The following PLPPR5 variants were observed in gnomAD, a reference collection of about 807,000 sequenced individuals.
PLPPR5 encodes the protein phospholipid phosphatase related 5.
PLPPR5 carries 16 observed loss-of-function variants against 33.9 expected under a neutral mutation model. The observed-to-expected ratio is 0.47, with a 90% CI of 0.32 to 0.72. The LOEUF (loss-of-function observed/expected upper bound fraction) is 0.72, where lower values mean the gene tolerates loss of function less well. Among genes scored for constraint, PLPPR5 ranks in the 30% least tolerant of loss-of-function variants. The probability of loss-of-function intolerance (pLI) is 0.03; values close to 1 mark genes in which losing one functional copy is unlikely to be tolerated. For synonymous variants in PLPPR5, 163 were observed against 150.3 expected, an observed-to-expected ratio of 1.08 and a Z score of -0.62; for missense variants, 301 against 406.7, an observed-to-expected ratio of 0.74 and a Z score of 2.23.
At chr1:98,899,655 C>CTTTTTTTTTTTTTTT (rs1214385487) in intron 5 of PLPPR5, among the ~76,000 whole-genome samples, 1 of 138,568 alleles carries the variant, frequency 7.2e-6, no homozygotes, top group African/African-American at 2.7e-5. Flanking sequence ...GTTTATTTCA[C>CTTTTTTTTTTTTTTT]TTGTTTTTTT....
intron 1 of PLPPR5, among the ~76,000 whole-genome samples, chr1:98,991,815 A>G (rs1402014425): frequency 6.6e-6 from 1 of 152,146 alleles, no homozygotes; most frequent in Non-Finnish European, 1.5e-5. Flanking sequence ...TCCCAGTTGG[A>G]GTTCAAACCT....
At chr1:98,940,457 A>C (rs945427420) in intron 3 of PLPPR5, among the ~76,000 whole-genome samples, 1 of 151,928 alleles carries the variant, frequency 6.6e-6, no homozygotes, top group Non-Finnish European at 1.5e-5. Context: ...GAATCAAGGG[A>C]GGAAAAAATT....
chr1:98,990,580 T>G (rs1294529306), intron 1 of PLPPR5, among the ~76,000 whole-genome samples: 1 of 152,158 alleles, frequency 6.6e-6, no homozygotes, highest in Non-Finnish European at 1.5e-5. Flanking sequence ...TATTCTCCAT[T>G]TGAAGTAAGT....
chr1:98,932,512 T>C (rs1004986867), intron 3 of PLPPR5, among the ~76,000 whole-genome samples: 3 of 152,194 alleles, frequency 2.0e-5, no homozygotes, highest in Admixed American at 2.0e-4. Flanking sequence ...CAAAAATATA[T>C]ACAAAATGTA....
intron 2 of PLPPR5, 135 bp from the exon 3 acceptor site, chr1:98,953,455 C>A: frequency 7.7e-7 from 1 of 1,299,408 alleles, no homozygotes; most frequent in Non-Finnish European, 1.0e-6. Context: ...ATATTCCATG[C>A]ATATACATAG....
At chr1:98,906,461 T>C (rs1648906629) in intron 5 of PLPPR5, among the ~76,000 whole-genome samples, 1 of 152,092 alleles carries the variant, frequency 6.6e-6, no homozygotes, top group Admixed American at 6.6e-5. Flanking sequence ...CAGCCCAGGC[T>C]GAGGCAGCAG....
intron 1 of PLPPR5, among the ~76,000 whole-genome samples, chr1:98,997,463 C>T (rs1341400075): frequency 6.6e-6 from 1 of 152,086 alleles, no homozygotes; most frequent in Non-Finnish European, 1.5e-5. Flanking sequence ...TACATGGTAT[C>T]AGCTATGCTC....
chr1:99,005,339 C>T (rs57019766), upstream of PLPPR5, among the ~76,000 whole-genome samples: 14,191 of 152,154 alleles, frequency 0.093, 825 homozygotes, highest in East Asian at 0.26. Context: ...GAGTTTCAAC[C>T]GGTGCGTTCA....
intron 2 of PLPPR5, 38 bp from the exon 3 acceptor site, chr1:98,953,358 T>C (rs530772776): frequency 2.2e-6 from 2 of 920,526 alleles, no homozygotes; most frequent in South Asian, 3.7e-5. Flanking sequence ...TTCTTGCTTG[T>C]GTGTGTGTGT....
At chr1:98,982,156 C>T (rs1000373260) in intron 1 of PLPPR5, among the ~76,000 whole-genome samples, 3 of 152,072 alleles carry the variant, frequency 2.0e-5, no homozygotes, top group Non-Finnish European at 2.9e-5. Context: ...ACTCTGCCAG[C>T]TATCTGAATG....
At chr1:98,929,424 C>T (rs1042212314) in intron 3 of PLPPR5, among the ~76,000 whole-genome samples, 1 of 152,178 alleles carries the variant, frequency 6.6e-6, no homozygotes, top group Non-Finnish European at 1.5e-5. Flanking sequence ...TAAACATCCA[C>T]TTTCTTTACA....
chr1:98,931,770 T>C (rs553264145), intron 3 of PLPPR5, among the ~76,000 whole-genome samples: 11 of 152,090 alleles, frequency 7.2e-5, no homozygotes, highest in African/African-American at 2.4e-4. Context: ...TCAAAAAGCT[T>C]TGTGTGCCAA....
intron 5 of PLPPR5, among the ~76,000 whole-genome samples, chr1:98,908,878 AC>A (rs1649008872): frequency 6.6e-6 from 1 of 152,048 alleles, no homozygotes; most frequent in Non-Finnish European, 1.5e-5. Flanking sequence ...GTTTTAAATT[AC>A]CCTGGGGGAG....
At chr1:98,965,776 T>C (rs1651425942) in intron 1 of PLPPR5, among the ~76,000 whole-genome samples, 2 of 152,190 alleles carry the variant, frequency 1.3e-5, no homozygotes, top group African/African-American at 4.8e-5. Flanking sequence ...TAGAAATTCC[T>C]CTCCCCTCTA....
chr1:98,986,399 A>G (rs1003711033), intron 1 of PLPPR5, among the ~76,000 whole-genome samples: 2 of 151,892 alleles, frequency 1.3e-5, no homozygotes, highest in Non-Finnish European at 2.9e-5. Context: ...CCAGGTTTTC[A>G]CTAAAACTTA....
chr1:98,922,987 A>AAAC (rs200170346), intron 3 of PLPPR5, among the ~76,000 whole-genome samples: 1 of 120,426 alleles, frequency 8.3e-6, no homozygotes, highest in Admixed American at 9.2e-5. Flanking sequence ...TCTGTCTCAA[A>AAAC]AACAACAACA....
At chr1:98,999,402 A>G (rs1455522140) in intron 1 of PLPPR5, among the ~76,000 whole-genome samples, 2 of 152,232 alleles carry the variant, frequency 1.3e-5, no homozygotes, top group Non-Finnish European at 2.9e-5. Flanking sequence ...GCTGGAAAGT[A>G]GCAGATCTGG....
At chr1:98,945,602 T>C (rs1650520869) in intron 3 of PLPPR5, among the ~76,000 whole-genome samples, 1 of 152,208 alleles carries the variant, frequency 6.6e-6, no homozygotes, top group African/African-American at 2.4e-5. Context: ...ACAAGTCAAC[T>C]AGCTTCTCAT....
chr1:98,952,931 TA>T, intron 3 of PLPPR5, 138 bp downstream of exon 3: 3 of 1,048,862 alleles, frequency 2.9e-6, no homozygotes, highest in Non-Finnish European at 4.0e-6. Context: ...CAGCTATTAT[TA>T]AAAATAGATT....
Sources: allele counts gnomAD v4.1 joint callset (sites outside exome capture counted in the v4.1 genomes callset), GRCh38; gene constraint gnomAD v4.1.1; transcripts MANE v1.5; gene names NCBI Gene and HGNC (gene_info 2026-07-23, HGNC 2026-07-21).